Variants in SUFU observed in about 807,000 individuals in gnomAD.
SUFU encodes suppressor of fused homolog.
A neutral mutation model predicts 58.9 loss-of-function variants in SUFU; 7 were observed. The ratio of observed to expected loss-of-function variants is 0.12; its 90% CI spans 0.07 to 0.22. The LOEUF is 0.22. SUFU is among the 10% of genes least tolerant of loss of function. The pLI is 1.00. For missense variants in SUFU, 451 were observed against 641.3 expected (o/e 0.70, Z 3.20); for synonymous variants, 232 against 254.8 (o/e 0.91, Z 0.85).
chr10:102,616,272 C>T (rs368774839), intron 9 of SUFU, among the ~76,000 whole-genome samples: 7 of 152,324 alleles, frequency 4.6e-5, no homozygotes, highest in African/African-American at 1.4e-4. Flanking sequence ...CTGGCTACCC[C>T]ACAGCCCAGG....
At position 102,554,949 on chromosome 10, in the gene SUFU, A is replaced by C. The variant is rs559142877; in HGVS notation, c.454+4843A>C. Among the ~76,000 whole-genome samples the C allele has an allele frequency of 5.9e-5, 9 of 152,296 alleles. No homozygotes were observed. The South Asian group carries it at 1.9e-3, about 32-fold the overall frequency. ...TAAGTACTATGTTTTACCTGCAATCATTATCATTATTCAGTCTTTAAAAAC... is the reference window on the plus strand; with the variant it reads ...TAAGTACTATGTTTTACCTGCAATCCTTATCATTATTCAGTCTTTAAAAAC... On this transcript the variant is annotated intron_variant, in intron 3 of 11. Transcript: ENST00000369902.
intron 2 of SUFU, among the ~76,000 whole-genome samples, chr10:102,525,509 G>A (rs775661833): frequency 5.7e-4 from 85 of 148,244 alleles, no homozygotes; most frequent in Non-Finnish European, 1.0e-3. Context: ...TTTTTGTTTG[G>A]TTTGAGATGG....
At chr10:102,583,964 G>C (rs2063311120) in intron 3 of SUFU, among the ~76,000 whole-genome samples, 1 of 152,186 alleles carries the variant, frequency 6.6e-6, no homozygotes, top group Admixed American at 6.5e-5. Flanking sequence ...TGGCCCATCT[G>C]TTTCTTAAAC....
Position 102,555,495 on chromosome 10 carries a change from G to A in SUFU, c.454+5389G>A, listed in dbSNP as rs575018838. Reference sequence around the variant, plus strand: ...ATATTGATACAAATAAAATTACCTCGTTTTGTACATCATATTATATAGCTG... The same window carrying A: ...ATATTGATACAAATAAAATTACCTCATTTTGTACATCATATTATATAGCTG... On this transcript the variant is annotated intron_variant, in intron 3 of 11. Transcript: ENST00000369902. Among the ~76,000 whole-genome samples the A allele has an allele frequency of 8.2e-4, 125 of 152,010 alleles. 2 individuals carry two copies. The South Asian group carries it at 0.011, about 13-fold the overall frequency.
intron 2 of SUFU, among the ~76,000 whole-genome samples, chr10:102,513,311 G>T (rs1338122917): frequency 6.6e-6 from 1 of 152,302 alleles, no homozygotes; most frequent in Middle Eastern, 3.4e-3. Flanking sequence ...GCTAAGGGGC[G>T]CTGGGTTGGA....
At chr10:102,538,449 A>T (rs776867576) in intron 2 of SUFU, among the ~76,000 whole-genome samples, 1 of 152,132 alleles carries the variant, frequency 6.6e-6, no homozygotes, top group Non-Finnish European at 1.5e-5. Flanking sequence ...ACTGTGTTCC[A>T]GGTGCTGTTC....
At chr10:102,533,594 A>G (rs2062701990) in intron 2 of SUFU, among the ~76,000 whole-genome samples, 1 of 152,106 alleles carries the variant, frequency 6.6e-6, no homozygotes. Flanking sequence ...AAAGTGCCTG[A>G]GGGAGAATTC....
At chr10:102,616,497 A>G (rs953118690) in intron 9 of SUFU, among the ~76,000 whole-genome samples, 8 of 152,174 alleles carry the variant, frequency 5.3e-5, no homozygotes, top group African/African-American at 1.9e-4. Context: ...GCCCACTGCC[A>G]TCCCACAGCC....
intron 3 of SUFU, among the ~76,000 whole-genome samples, chr10:102,574,363 CT>C (rs1328604427): frequency 6.6e-6 from 1 of 152,184 alleles, no homozygotes; most frequent in Non-Finnish European, 1.5e-5. Flanking sequence ...AAAATATTGA[CT>C]TTAACCTAAA....
At chr10:102,554,095 AAAAAAC>A (rs752497151) in intron 3 of SUFU, among the ~76,000 whole-genome samples, 23 of 152,046 alleles carry the variant, frequency 1.5e-4, no homozygotes, top group Non-Finnish European at 2.4e-4. Context: ...ACCCTGTCTC[AAAAAAC>A]AAAAACAAAA....
chr10:102,519,454 G>A (rs1388439365), intron 2 of SUFU, among the ~76,000 whole-genome samples: 2 of 150,890 alleles, frequency 1.3e-5, no homozygotes, highest in Non-Finnish European at 2.9e-5. Flanking sequence ...TTGAACCCAC[G>A]AGGCAGAGGT....
chr10:102,623,505 A>G (rs2063760060), intron 10 of SUFU, among the ~76,000 whole-genome samples: 1 of 152,182 alleles, frequency 6.6e-6, no homozygotes, highest in African/African-American at 2.4e-5. Context: ...ATTGGTAAAA[A>G]CCAAAGCTAC....
At chr10:102,563,546 C>T (rs1470698069) in intron 3 of SUFU, among the ~76,000 whole-genome samples, 7 of 151,932 alleles carry the variant, frequency 4.6e-5, no homozygotes, top group Middle Eastern at 3.4e-3. Context: ...GTGGCTTATA[C>T]GTGTACTCCC....
intron 6 of SUFU, among the ~76,000 whole-genome samples, 186 bp downstream of exon 6, chr10:102,594,251 G>A (rs2063437384): frequency 1.3e-5 from 2 of 152,166 alleles, no homozygotes; most frequent in African/African-American, 4.8e-5. Context: ...GCCCAGGAAA[G>A]CTAGTCCTCA....
intron 9 of SUFU, 125 bp downstream of exon 9, chr10:102,615,527 C>A: frequency 7.0e-7 from 1 of 1,421,968 alleles, no homozygotes; most frequent in Non-Finnish European, 9.8e-7. Flanking sequence ...AAGGAGCCAC[C>A]AGGCCCGTGC....
chr10:102,553,140 T>C (rs2062935696), intron 3 of SUFU, among the ~76,000 whole-genome samples: 1 of 152,248 alleles, frequency 6.6e-6, no homozygotes, highest in Non-Finnish European at 1.5e-5. Flanking sequence ...TCCAGATTTC[T>C]TGTGATATGA....
rs527367261 is a variant in SUFU at position 102,617,638 on chromosome 10, C to T, written c.1296+210C>T. On this transcript the variant is annotated intron_variant, in intron 10 of 11. Transcript: ENST00000369902. The surrounding 1 kb of genome is among the most constrained non-coding windows in gnomAD (Gnocchi z 4.4). ...GCTTAGGAGCACTTCCTGACCTTCT[C>T]CCCCTGTCACCTGAGACACAAGTGT... is the stretch of plus-strand genomic sequence containing the variant. The T allele has an allele frequency of 1.3e-4, 80 of 638,636 alleles. No individual in the cohort carries two copies. In the East Asian group the frequency reaches 2.0e-3, roughly 16 times the overall value. 39.6% of individuals were successfully genotyped at this position (638,636 alleles called of 1,614,324 possible). A position where few individuals can be genotyped will look rare whatever the true frequency, so the allele number is the denominator to read the frequency against.
chr10:102,622,474 G>T (rs975892174), intron 10 of SUFU, among the ~76,000 whole-genome samples: 2 of 152,194 alleles, frequency 1.3e-5, no homozygotes, highest in Non-Finnish European at 1.5e-5. Context: ...CAGGCACGGT[G>T]GCTCACACCT....
Position 102,630,569 on chromosome 10 carries a change from C to G in SUFU, c.*414C>G. ...AGATGCAGAGCGAGTGGATGCACTTCCCAGCTCATCTCTGGAAGCCTTTGC... is the reference window on the plus strand; with the variant it reads ...AGATGCAGAGCGAGTGGATGCACTTGCCAGCTCATCTCTGGAAGCCTTTGC... On this transcript the variant is annotated 3_prime_UTR_variant, in exon 12 of 12. Coordinates refer to ENST00000369902, the MANE Select transcript of SUFU (RefSeq NM_016169.4). 1 of 362,146 alleles carries G rather than the reference C, an allele frequency of 2.8e-6. No individual in the cohort carries two copies. The highest frequency in any genetic ancestry group is 5.2e-6 in the Non-Finnish European group (1 of 191,530). The allele number at this position is 362,146 out of a possible 1,614,324, so 22.4% of individuals were successfully genotyped here.
Sources: allele counts gnomAD v4.1 joint callset (sites outside exome capture counted in the v4.1 genomes callset), GRCh38; gene constraint gnomAD v4.1.1; non-coding constraint Gnocchi (gnomAD v3.1); transcripts MANE v1.5; gene names NCBI Gene and HGNC (gene_info 2026-07-23, HGNC 2026-07-21).